GAN: variants seen among roughly 807,000 people sequenced by gnomAD.
GAN encodes epididymis secretory sperm binding protein.
Under a neutral mutation model 71.3 loss-of-function variants are expected in GAN, and 48 were observed. That is an observed-to-expected ratio of 0.67 (90% confidence interval 0.53 to 0.86). GAN has a LOEUF of 0.86. Ranked by LOEUF, GAN falls within the 40% of genes least tolerant of loss-of-function variation. The pLI is 0.00. For missense variants in GAN, 928 were observed against 770.1 expected (o/e 1.21, Z -2.43); for synonymous variants, 386 against 276.8 (o/e 1.39, Z -3.92).
rs1470573494 is a variant in GAN at position 81,388,885 on chromosome 16, A to T, written c.*11289A>T. The T allele has an allele frequency of 6.6e-6, 1 of 152,230 alleles. No individual in the cohort carries two copies. The highest frequency in any genetic ancestry group is 1.5e-5 in the Non-Finnish European group (1 of 68,038). The allele number at this position is 152,230 out of a possible 1,614,324, so 9.4% of individuals were successfully genotyped here. On this transcript the variant is annotated 3_prime_UTR_variant, in exon 11 of 11. Coordinates refer to ENST00000648994, the MANE Select transcript of GAN (RefSeq NM_022041.4). Reference sequence around the variant, plus strand: ...GAGACCACCTTTTCATATTTTTTTTAAAAGGAATTTGTGCTTCAAAAGAAA... The same window carrying T: ...GAGACCACCTTTTCATATTTTTTTTTAAAGGAATTTGTGCTTCAAAAGAAA...
chr16:81,334,584 G>A (rs889691498), intron 1 of GAN, among the ~76,000 whole-genome samples: 3 of 152,136 alleles, frequency 2.0e-5, no homozygotes, highest in South Asian at 2.1e-4. Flanking sequence ...GTTCCCATTC[G>A]GATTATTGCA....
chr16:81,321,327 C>G (rs1184121374), intron 1 of GAN, among the ~76,000 whole-genome samples: 1 of 152,190 alleles, frequency 6.6e-6, no homozygotes, highest in East Asian at 1.9e-4. Context: ...GGAGTAAAAC[C>G]TAGCTCTGGT....
At chr16:81,329,815 G>C (rs1306612790) in intron 1 of GAN, among the ~76,000 whole-genome samples, 1 of 152,022 alleles carries the variant, frequency 6.6e-6, no homozygotes. Flanking sequence ...GTCTCCCACG[G>C]TGATCTCATC....
chr16:81,363,774 G>A lies in GAN; in HGVS notation c.1087-20G>A, dbSNP rs1464064744. 6.2e-7 allele frequency: 1 copy of A among 1,610,962 alleles called. No homozygotes were observed. On this transcript the variant is annotated intron_variant, in intron 6 of 10. Transcript: ENST00000648994. Reference sequence around the variant, plus strand: ...TGATCATTGGCCTTGTGTGTTCAGGGATCGCTAATGTAATTTCAGGCAAGA... The same window carrying A: ...TGATCATTGGCCTTGTGTGTTCAGGAATCGCTAATGTAATTTCAGGCAAGA...
intron 9 of GAN, among the ~76,000 whole-genome samples, 162 bp downstream of exon 9, chr16:81,365,640 C>G (rs141523201): frequency 9.2e-4 from 138 of 150,212 alleles, no homozygotes; most frequent in Non-Finnish European, 1.8e-3. Flanking sequence ...TTCACAAGTG[C>G]TAGTAACTTA....
intron 1 of GAN, 132 bp downstream of exon 1, chr16:81,315,412 C>T: frequency 3.6e-6 from 2 of 554,666 alleles, no homozygotes; most frequent in East Asian, 4.6e-5. Flanking sequence ...ACCGTTGGCG[C>T]GGCGTCCCTC....
rs1457060434 is a variant in GAN, at chr16:81,365,000, G to T, written c.1263G>T (p.Lys421Asn). ...RKIGCYAAMK[K>N]KIYAMGGGSY... ...TCGGCTGCTATGCAGCTATGAAAAAGAAAATCTACGCCATGGGTGGAGGCT... is the reference window on the plus strand; with the variant it reads ...TCGGCTGCTATGCAGCTATGAAAAATAAAATCTACGCCATGGGTGGAGGCT... The change falls in exon 8 of 11, where the codon AAG (lysine) becomes AAT (asparagine). Residue 421 changes from lysine (K) to asparagine (N), a missense_variant. Lys to Asn is a moderately conservative substitution (Grantham distance 94). Transcript: ENST00000648994. The T allele has an allele frequency of 6.2e-7, 1 of 1,614,024 alleles. No individual in the cohort carries two copies. Among genetic ancestry groups the T allele is most frequent in the Non-Finnish European group, 8.5e-7 (1 of 1,179,918 alleles).
At chr16:81,319,649 A>G (rs1477891221) in intron 1 of GAN, among the ~76,000 whole-genome samples, 1 of 152,164 alleles carries the variant, frequency 6.6e-6, no homozygotes, top group Admixed American at 6.5e-5. Context: ...GAAAAAAAAG[A>G]TTCCTAAGAT....
chr16:81,376,462 CATATGTGTGTGTGTGTGTGTGT>C (rs1256114667), intron 9 of GAN, among the ~76,000 whole-genome samples: 2 of 93,778 alleles, frequency 2.1e-5, no homozygotes, highest in Admixed American at 1.1e-4. Flanking sequence ...TTTATACATA[CATATGTGTGTGTGTGTGTGTGT>C]GTGTGTGTGT....
intron 1 of GAN, among the ~76,000 whole-genome samples, chr16:81,332,424 T>C (rs1909613377): frequency 6.6e-6 from 1 of 152,222 alleles, no homozygotes; most frequent in African/African-American, 2.4e-5. Context: ...TGGGTATGAC[T>C]AGAATGACCC....
chr16:81,355,691 T>C (rs1163668137), intron 3 of GAN, among the ~76,000 whole-genome samples: 1 of 152,224 alleles, frequency 6.6e-6, no homozygotes. Context: ...CTGATTATTA[T>C]AAATAAGACA....
intron 1 of GAN, among the ~76,000 whole-genome samples, chr16:81,323,838 A>G (rs1292618967): frequency 2.6e-5 from 4 of 152,168 alleles, no homozygotes; most frequent in East Asian, 1.9e-4. Flanking sequence ...GCTGCCTGCC[A>G]TTGGAGCATT....
chr16:81,327,167 G>A (rs74598077), intron 1 of GAN, among the ~76,000 whole-genome samples: 3,215 of 152,316 alleles, frequency 0.021, 58 homozygotes, highest in East Asian at 0.082. Context: ...TTCAGAAAGA[G>A]TAGCTCTGAT....
rs1417922208 is a variant in GAN, at chr16:81,383,019, G to T, written c.*5423G>T. ...TTTAGAAACTGGGTTTTGCTCTGTT[G>T]CCCAGGCTGATCTTAAACTCCTGGC... is the stretch of plus-strand genomic sequence containing the variant. On this transcript the variant is annotated 3_prime_UTR_variant, in exon 11 of 11. Coordinates refer to ENST00000648994, the MANE Select transcript of GAN (RefSeq NM_022041.4). 1 of 151,352 alleles carries T rather than the reference G, an allele frequency of 6.6e-6. No individual in the cohort carries two copies. Among genetic ancestry groups the T allele is most frequent in the Non-Finnish European group, 1.5e-5 (1 of 67,878 alleles). The allele number at this position is 151,352 out of a possible 1,614,324, so 9.4% of individuals were successfully genotyped here. A position where few individuals can be genotyped will look rare whatever the true frequency, so the allele number is the denominator to read the frequency against.
intron 1 of GAN, among the ~76,000 whole-genome samples, chr16:81,334,875 A>G (rs1909704078): frequency 6.6e-6 from 1 of 152,242 alleles, no homozygotes; most frequent in South Asian, 2.1e-4. Context: ...GTGCTCATTT[A>G]TCAAGTCAAT....
chr16:81,377,508 G>A lies in GAN; in HGVS notation c.1706G>A (p.Gly569Glu). Reference sequence around the variant, plus strand: ...CTTCCATCCGACCTTCGCCGTACAGGATGTGCAGCCTTACGCATTGCGAAT... The same window carrying A: ...CTTCCATCCGACCTTCGCCGTACAGAATGTGCAGCCTTACGCATTGCGAAT... ...PLLPSDLRRTGCAALRIANCK... is the reference protein window; with the variant it reads ...PLLPSDLRRTECAALRIANCK... Residue 569 changes from glycine to glutamate, a missense_variant, in exon 11 of 11, where the codon GGA (glycine) becomes GAA (glutamate). Gly to Glu is a moderately conservative substitution (Grantham distance 98, BLOSUM62 -2). Coordinates refer to ENST00000648994, the MANE Select transcript of GAN (RefSeq NM_022041.4). 6.2e-7 allele frequency: 1 copy of A among 1,614,080 alleles called. No homozygotes were observed. The highest frequency in any genetic ancestry group is 8.5e-7 in the Non-Finnish European group (1 of 1,179,936).
At chr16:81,318,930 C>A (rs1234428259) in intron 1 of GAN, among the ~76,000 whole-genome samples, 2 of 151,632 alleles carry the variant, frequency 1.3e-5, no homozygotes, top group Non-Finnish European at 3.0e-5. Flanking sequence ...CATGCATGCC[C>A]CTTTCCCAGC....
intron 3 of GAN, among the ~76,000 whole-genome samples, chr16:81,355,809 T>C (rs533888744): frequency 6.6e-6 from 1 of 152,380 alleles, no homozygotes; most frequent in South Asian, 2.1e-4. Context: ...AAAACTGGAC[T>C]GTTAAATTTT....
At chr16:81,357,540 T>C (rs984611421) in intron 4 of GAN, among the ~76,000 whole-genome samples, 1 of 152,220 alleles carries the variant, frequency 6.6e-6, no homozygotes, top group Non-Finnish European at 1.5e-5. Context: ...AAGTCTTTGC[T>C]ATTGTGAATA....
Sources: allele counts gnomAD v4.1 joint callset (sites outside exome capture counted in the v4.1 genomes callset), GRCh38; gene constraint gnomAD v4.1.1; transcripts MANE v1.5; gene names NCBI Gene and HGNC (gene_info 2026-07-23, HGNC 2026-07-21).